VWF: variants seen among roughly 807,000 people sequenced by gnomAD.
The protein encoded by VWF is Factor VIII related antigen.
VWF carries 176 observed loss-of-function variants against 308.6 expected under a neutral mutation model. That is an observed-to-expected ratio of 0.57 (90% CI 0.50 to 0.65). VWF has a LOEUF of 0.65. Among genes scored for constraint, VWF ranks in the 30% least tolerant of loss-of-function variants. The pLI, the probability that VWF is intolerant of heterozygous loss-of-function variation, is 0.00. For missense variants in VWF, 3,146 were observed against 3,648.2 expected, an observed-to-expected ratio of 0.86 and a Z score of 3.55; for synonymous variants, 1,385 against 1,443.4, an observed-to-expected ratio of 0.96 and a Z score of 0.92.
Position 5,948,893 on chromosome 12 carries a change from C to G in VWF, c.*122G>C. The G allele has an allele frequency of 8.3e-7, 1 of 1,208,298 alleles. No individual in the cohort carries two copies. Among genetic ancestry groups the G allele is most frequent in the Non-Finnish European group, 1.2e-6 (1 of 841,848 alleles). The allele number at this position is 1,208,298 out of a possible 1,614,324, so 74.8% of individuals were successfully genotyped here. ...CCAGCAGCCTTTTGCAAGATAAGAG[C>G]TCAGCCTTTATTGTGGGCTCAGAAG... On this transcript the variant is annotated 3_prime_UTR_variant, in exon 52 of 52. Coordinates refer to ENST00000261405, the MANE Select transcript of VWF (RefSeq NM_000552.5). This position sits in a 1 kb window ranked among gnomAD's most constrained non-coding sequence, Gnocchi z 4.4.
At chr12:6,002,995 G>A (rs894205085) in intron 34 of VWF, among the ~76,000 whole-genome samples, 1 of 152,084 alleles carries the variant, frequency 6.6e-6, no homozygotes, top group Non-Finnish European at 1.5e-5. Context: ...GTCTCATGTA[G>A]TAAATCAACA....
chr12:5,992,075 G>A, intron 37 of VWF, 57 bp from the exon 38 acceptor site: 2 of 1,522,482 alleles, frequency 1.3e-6, no homozygotes, highest in Admixed American at 3.5e-5. Context: ...AGTGAAATGG[G>A]CACAGCTGAT....
intron 5 of VWF, 168 bp from the exon 6 acceptor site, chr12:6,095,752 G>T (rs1029549456): frequency 5.6e-6 from 5 of 889,640 alleles, no homozygotes; most frequent in Non-Finnish European, 8.7e-6. Flanking sequence ...CTATTCACAA[G>T]TGCAATCCCA....
Position 6,063,205 on chromosome 12 carries a change from A to T in VWF, c.1433-151T>A. On this transcript the variant is annotated intron_variant, in intron 12 of 51. Transcript: ENST00000261405. This position sits in a 1 kb window ranked among gnomAD's most constrained non-coding sequence, Gnocchi z 4.9. Reference sequence around the variant, plus strand: ...GGCAGATGGGGTGGCCATGAGGTTTAAGGGGGTGTCAGGAGGAAGGGTGAT... The same window carrying T: ...GGCAGATGGGGTGGCCATGAGGTTTTAGGGGGTGTCAGGAGGAAGGGTGAT... The T allele has an allele frequency of 2.8e-6, 2 of 713,936 alleles. No individual in the cohort carries two copies. Among genetic ancestry groups the T allele is most frequent in the Non-Finnish European group, 4.9e-6 (2 of 405,562 alleles). The allele number at this position is 713,936 out of a possible 1,614,324, so 44.2% of individuals were successfully genotyped here.
rs947422707 is a variant in VWF at position 6,063,515 on chromosome 12, G to A, written c.1433-461C>T. On this transcript the variant is annotated intron_variant, in intron 12 of 51. Coordinates refer to ENST00000261405, the MANE Select transcript of VWF (RefSeq NM_000552.5). The surrounding 1 kb of genome is among the most constrained non-coding windows in gnomAD (Gnocchi z 4.9). ...TCTGTGGGAAGGTGGCGACAGATAG[G>A]AGCACACCCCTTGCCCTGGGGGAAC... Among the ~76,000 whole-genome samples the A allele has an allele frequency of 6.6e-6, 1 of 152,130 alleles. No homozygotes were observed. Among genetic ancestry groups the A allele is most frequent in the Admixed American group, 6.5e-5 (1 of 15,278 alleles).
At chr12:6,098,847 C>G (rs1050521566) in intron 5 of VWF, among the ~76,000 whole-genome samples, 2 of 151,940 alleles carry the variant, frequency 1.3e-5, no homozygotes, top group African/African-American at 2.4e-5. Flanking sequence ...AAAAACAGAC[C>G]TGGTGAGTGT....
chr12:6,030,527 G>A (rs1301502194), intron 21 of VWF, among the ~76,000 whole-genome samples: 5 of 152,204 alleles, frequency 3.3e-5, no homozygotes, highest in South Asian at 2.1e-4. Context: ...TCAAAGCAGC[G>A]GATCCAAAAC....
chr12:6,089,475 A>G (rs1945008007), intron 6 of VWF, among the ~76,000 whole-genome samples: 1 of 152,112 alleles, frequency 6.6e-6, no homozygotes, highest in South Asian at 2.1e-4. Context: ...CCCAGGAGAC[A>G]AAGCGAGTAG....
chr12:6,018,214 C>T, intron 28 of VWF, 151 bp downstream of exon 28: 1 of 836,396 alleles, frequency 1.2e-6, no homozygotes, highest in Non-Finnish European at 1.8e-6. Context: ...TGAGGAAACA[C>T]AGGCCCTTTG....
chr12:6,062,017 T>G (rs1216215505), intron 13 of VWF, among the ~76,000 whole-genome samples: 1 of 152,218 alleles, frequency 6.6e-6, no homozygotes, highest in Non-Finnish European at 1.5e-5. Context: ...CAGTGATGTT[T>G]ATATTAATGT....
At chr12:6,066,954 C>T (rs975282104) in intron 10 of VWF, among the ~76,000 whole-genome samples, 4 of 152,214 alleles carry the variant, frequency 2.6e-5, no homozygotes, top group Non-Finnish European at 5.9e-5. Context: ...TGCCTGGTCC[C>T]CAGGACAGTG....
Position 6,025,582 on chromosome 12 carries a change from G to A in VWF, c.3220C>T (p.Leu1074=). The stretch of plus-strand genomic sequence containing the variant: ...CCCACTACCCTCAAGGTCCTCACCA[G>A]CTTGTTGCAGTCCTGGAAGACGTCA... ...TSDVFQDCNK[L]VDPEPYLDVC... The change falls in exon 24 of 52, where the codon CTG becomes TTG. Residue 1074 remains leucine (L), a splice_region_variant and synonymous_variant. Coordinates refer to ENST00000261405, the MANE Select transcript of VWF (RefSeq NM_000552.5). 5 of 1,477,260 alleles carry A rather than the reference G, an allele frequency of 3.4e-6. No individual in the cohort carries two copies. The highest frequency in any genetic ancestry group is 4.7e-6 in the Non-Finnish European group (5 of 1,058,166). The allele number at this position is 1,477,260 out of a possible 1,614,324, so 91.5% of individuals were successfully genotyped here. A position where few individuals can be genotyped will look rare whatever the true frequency, so the allele number is the denominator to read the frequency against.
In VWF at chr12:6,057,851, A is replaced by G; in HGVS notation, c.1727T>C (p.Met576Thr). 6.2e-7 allele frequency: 1 copy of G among 1,606,536 alleles called. No homozygotes were observed. The highest frequency in any genetic ancestry group is 1.7e-4 in the Middle Eastern group (1 of 5,762). ...HSDPCALNPR[M>T]TRFSEEACAV... ...GCCTTGCCCCCGGGTTCACATACTC[A>G]TGCGCGGGTTGAGGGCGCAGGGATC... Residue 576 changes from methionine to threonine, a missense_variant and splice_region_variant, in exon 14 of 52, where the codon ATG becomes ACG. Transcript: ENST00000261405.
intron 11 of VWF, among the ~76,000 whole-genome samples, 195 bp downstream of exon 11, chr12:6,064,942 C>T (rs1395783728): frequency 6.6e-6 from 1 of 152,228 alleles, no homozygotes; most frequent in East Asian, 1.9e-4. Context: ...GGCAGGATGC[C>T]TTCCGCCAGC....
At chr12:6,040,564 C>T (rs764844150) in intron 18 of VWF, among the ~76,000 whole-genome samples, 14 of 152,160 alleles carry the variant, frequency 9.2e-5, no homozygotes, top group Admixed American at 3.9e-4. Context: ...AAAATTAAGA[C>T]GCCAAGATGT....
intron 38 of VWF, among the ~76,000 whole-genome samples, chr12:5,986,356 G>A (rs1943680842): frequency 6.6e-6 from 1 of 152,062 alleles, no homozygotes; most frequent in Non-Finnish European, 1.5e-5. Context: ...ATTAGCACAG[G>A]GTACACAGCA....
intron 6 of VWF, among the ~76,000 whole-genome samples, chr12:6,081,142 G>A (rs1220437283): frequency 1.3e-5 from 2 of 152,132 alleles, no homozygotes; most frequent in Non-Finnish European, 2.9e-5. Flanking sequence ...CTCCACAGCT[G>A]ACCTCTCTCC....
chr12:6,040,303 T>A (rs1317165107), intron 18 of VWF, among the ~76,000 whole-genome samples: 3 of 152,158 alleles, frequency 2.0e-5, no homozygotes, highest in Admixed American at 1.3e-4. Context: ...CTGGGAGATC[T>A]TCCAGCACAA....
rs1253334792 is a variant in VWF, at chr12:5,970,979, C to T, written c.7548+620G>A. On this transcript the variant is annotated intron_variant, in intron 44 of 51. Transcript: ENST00000261405. ...AAAATGGCTTGATGAGCATCAGAGT[C>T]TAAGAGAGAACCTGGCAGCACATGG... 3.3e-5 allele frequency among the ~76,000 whole-genome samples: 5 copies of T among 152,290 alleles called. No homozygotes were observed. The Middle Eastern group carries it at 0.01, about 311-fold the overall frequency.
Sources: gnomAD v4.1 joint callset for allele counts (sites outside exome capture counted in the v4.1 genomes callset) on GRCh38, gnomAD v4.1.1 for gene constraint, Gnocchi (gnomAD v3.1) non-coding constraint, MANE v1.5 for transcripts, NCBI Gene and HGNC (gene_info 2026-07-23, HGNC 2026-07-21) for gene names.